The following FHIT variants were observed in gnomAD, a reference collection of about 807,000 sequenced individuals.
The protein encoded by FHIT is fragile histidine triad diadenosine triphosphatase, also known as bis(5'-adenosyl)-triphosphatase.
Under a neutral mutation model 17.9 loss-of-function variants are expected in FHIT, and 19 were observed. That is an observed-to-expected ratio of 1.06 (90% confidence interval 0.74 to 1.56). The LOEUF (loss-of-function observed/expected upper bound fraction) is 1.56, where lower values mean the gene tolerates loss of function less well. FHIT is among the 40% of genes most tolerant of loss of function. The pLI is 0.00. For synonymous variants in FHIT, 81 were observed against 69.7 expected (o/e 1.16, Z -0.81); for missense variants, 248 against 189.2 (o/e 1.31, Z -1.82).
At chr3:60,511,370 C>T (rs2034944525) in intron 5 of FHIT, among the ~76,000 whole-genome samples, 1 of 152,076 alleles carries the variant, frequency 6.6e-6, no homozygotes, top group South Asian at 2.1e-4. Context: ...CACAGACAAA[C>T]ATCGCTTTAT....
At chr3:60,377,636 C>T (rs995492355) in intron 5 of FHIT, among the ~76,000 whole-genome samples, 3 of 149,564 alleles carry the variant, frequency 2.0e-5, no homozygotes, top group South Asian at 2.2e-4. Flanking sequence ...CGCCCGCCAC[C>T]GCGCCCGGCT....
In FHIT at chr3:60,423,417, T is replaced by C. The variant is rs368877348; in HGVS notation, c.103+113443A>G. Among the ~76,000 whole-genome samples the C allele has an allele frequency of 7.2e-5, 11 of 152,228 alleles. 1 individual carries two copies. The highest frequency in any genetic ancestry group is 5.2e-4 in the Admixed American group (8 of 15,274). On this transcript the variant is annotated intron_variant, in intron 5 of 9. Coordinates refer to ENST00000492590, the MANE Select transcript of FHIT (RefSeq NM_002012.4). The stretch of plus-strand genomic sequence containing the variant: ...GTCAAAAACAGAGCGTGAGAAACAG[T>C]GCTTTCTCAACAGCTTGTCTAAAGC...
At chr3:61,202,879 T>C (rs989021068) in intron 1 of FHIT, among the ~76,000 whole-genome samples, 1 of 151,834 alleles carries the variant, frequency 6.6e-6, no homozygotes, top group African/African-American at 2.4e-5. Flanking sequence ...TGGTGAAACC[T>C]TGTCTCTACT....
At chr3:60,591,222 G>T (rs1291116197) in intron 4 of FHIT, among the ~76,000 whole-genome samples, 1 of 151,994 alleles carries the variant, frequency 6.6e-6, no homozygotes, top group East Asian at 1.9e-4. Context: ...AAACCAAGTG[G>T]ACATTTAACA....
chr3:60,489,313 C>T (rs1028290977), intron 5 of FHIT, among the ~76,000 whole-genome samples: 1 of 152,114 alleles, frequency 6.6e-6, no homozygotes, highest in African/African-American at 2.4e-5. Flanking sequence ...TACATATGAT[C>T]TCATTTTAAA....
chr3:60,235,731 A>G (rs1704749111), intron 5 of FHIT, among the ~76,000 whole-genome samples: 1 of 152,186 alleles, frequency 6.6e-6, no homozygotes, highest in South Asian at 2.1e-4. Context: ...ACATCACAAC[A>G]GAAAGAAAGC....
At chr3:59,899,700 G>C (rs1315293939) in intron 8 of FHIT, among the ~76,000 whole-genome samples, 3 of 151,492 alleles carry the variant, frequency 2.0e-5, no homozygotes, top group African/African-American at 4.9e-5. Flanking sequence ...AAAAAAATTA[G>C]CTGGGTATGG....
chr3:60,508,668 G>A (rs1447374094), intron 5 of FHIT, among the ~76,000 whole-genome samples: 1 of 152,130 alleles, frequency 6.6e-6, no homozygotes, highest in Non-Finnish European at 1.5e-5. Context: ...ACTACCCTCT[G>A]AGCTAGCTTG....
chr3:59,761,524 A>G (rs887986712), intron 8 of FHIT, among the ~76,000 whole-genome samples: 2 of 152,220 alleles, frequency 1.3e-5, no homozygotes, highest in African/African-American at 2.4e-5. Context: ...ACAACCAAGA[A>G]TAAAATAGAA....
chr3:61,044,548 G>A (rs2033689962), intron 2 of FHIT, among the ~76,000 whole-genome samples: 1 of 151,958 alleles, frequency 6.6e-6, no homozygotes, highest in Non-Finnish European at 1.5e-5. Context: ...AACCAAGTTG[G>A]AAAACACTCT....
intron 6 of FHIT, among the ~76,000 whole-genome samples, chr3:60,012,266 G>GTT (rs769497004): frequency 0.12 from 13,027 of 112,352 alleles, 1,482 homozygotes; most frequent in East Asian, 0.41. Flanking sequence ...TTTTTTTGTT[G>GTT]TTTTTTTTTT....
chr3:59,831,533 C>T (rs999177987), intron 8 of FHIT, among the ~76,000 whole-genome samples: 2 of 152,114 alleles, frequency 1.3e-5, no homozygotes, highest in Non-Finnish European at 2.9e-5. Flanking sequence ...TACCCTCTAC[C>T]CCAGCATTGA....
chr3:60,242,223 T>C (rs888682145), intron 5 of FHIT, among the ~76,000 whole-genome samples: 8 of 152,160 alleles, frequency 5.3e-5, no homozygotes, highest in Non-Finnish European at 2.9e-5. Flanking sequence ...TGGTATTAAA[T>C]AGATTTTTAT....
At chr3:60,731,136 T>C (rs1553711110) in intron 4 of FHIT, among the ~76,000 whole-genome samples, 1 of 151,550 alleles carries the variant, frequency 6.6e-6, no homozygotes. Flanking sequence ...GTCTCAAAAA[T>C]AAATAAATAA....
At chr3:60,405,090 TA>T (rs1701802360) in intron 5 of FHIT, among the ~76,000 whole-genome samples, 2 of 152,142 alleles carry the variant, frequency 1.3e-5, no homozygotes, top group Admixed American at 6.5e-5. Flanking sequence ...GAAGATGGGA[TA>T]GGGGTAGGTA....
intron 2 of FHIT, among the ~76,000 whole-genome samples, chr3:61,047,686 C>A (rs1440553890): frequency 1.3e-5 from 2 of 152,096 alleles, no homozygotes; most frequent in African/African-American, 2.4e-5. Flanking sequence ...CAATCCTAAG[C>A]CAAAAGAACA....
chr3:60,099,323 T>C (rs1237294836), intron 5 of FHIT, among the ~76,000 whole-genome samples: 3 of 152,170 alleles, frequency 2.0e-5, no homozygotes, highest in Non-Finnish European at 2.9e-5. Flanking sequence ...AAAATAATAA[T>C]GGCTAATTTG....
chr3:60,543,921 T>TTTTTTTTTTTG (rs1404689968), intron 4 of FHIT, among the ~76,000 whole-genome samples: 1 of 136,578 alleles, frequency 7.3e-6, no homozygotes, highest in Non-Finnish European at 1.6e-5. Context: ...TTTTTTTTTT[T>TTTTTTTTTTTG]TTTTTTTTTT....
At chr3:60,130,758 G>T (rs865790446) in intron 5 of FHIT, among the ~76,000 whole-genome samples, 1 of 1,804 alleles carries the variant, frequency 5.5e-4, no homozygotes, top group Non-Finnish European at 8.9e-4. Flanking sequence ...GTGTGTGTGT[G>T]TGTGTGTTTG....
Sources: gnomAD v4.1 joint callset for allele counts (sites outside exome capture counted in the v4.1 genomes callset) on GRCh38, gnomAD v4.1.1 for gene constraint, MANE v1.5 for transcripts, NCBI Gene and HGNC (gene_info 2026-07-23, HGNC 2026-07-21) for gene names.